PTPN14: variants seen among roughly 807,000 people sequenced by gnomAD.
PTPN14 encodes the protein tyrosine-protein phosphatase non-receptor type 14.
Under a neutral mutation model 126.8 loss-of-function variants are expected in PTPN14, and 53 were observed. The observed-to-expected ratio is 0.42, with a 90% CI of 0.34 to 0.53. The LOEUF (loss-of-function observed/expected upper bound fraction) is 0.53. Ranked by LOEUF, PTPN14 falls within the 20% of genes least tolerant of loss-of-function variation. The pLI, the probability that PTPN14 is intolerant of heterozygous loss-of-function variation, is 0.08. For synonymous variants in PTPN14, 630 were observed against 599.3 expected (o/e 1.05, Z -0.75); for missense variants, 1,257 against 1,552.9 (o/e 0.81, Z 3.20).
rs1660015413 is a variant in PTPN14 at position 214,440,484 on chromosome 1, G to A, written c.344+11321C>T. Among the ~76,000 whole-genome samples the A allele has an allele frequency of 2.0e-5, 3 of 152,320 alleles. No homozygotes were observed. The South Asian group carries it at 6.2e-4, about 32-fold the overall frequency. ...AAGAGAGGAAATCTGAATAATTTGAGCCATGGCTCTGCAGTAGAAAGTTGA... is the reference window on the plus strand; with the variant it reads ...AAGAGAGGAAATCTGAATAATTTGAACCATGGCTCTGCAGTAGAAAGTTGA... On this transcript the variant is annotated intron_variant, in intron 3 of 18. Transcript: ENST00000366956.
Position 214,451,937 on chromosome 1 carries a change from T to C in PTPN14, c.212A>G (p.Gln71Arg). The change falls in exon 3 of 19, where the codon CAG becomes CGG. Residue 71 changes from glutamine to arginine, a missense_variant. Around this residue, in one of 3 missense-constraint regions of PTPN14, gnomAD observed 1,021 missense variants for 1,183.3 expected, o/e 0.86. Coordinates refer to ENST00000366956, the MANE Select transcript of PTPN14 (RefSeq NM_005401.5). ...CTCCAGCTCCACCCATCGTGCTTGCTGGCTCTTGCTGAGAAACCAAAGGCC... is the reference window on the plus strand; with the variant it reads ...CTCCAGCTCCACCCATCGTGCTTGCCGGCTCTTGCTGAGAAACCAAAGGCC... Reference protein sequence around the residue: ...YFGLWFLSKSQQARWVELEKP... With the variant: ...YFGLWFLSKSRQARWVELEKP... 1 of 1,614,192 alleles carries C rather than the reference T, an allele frequency of 6.2e-7. No homozygotes were observed. Among genetic ancestry groups the C allele is most frequent in the East Asian group, 2.2e-5 (1 of 44,884 alleles).
intron 3 of PTPN14, among the ~76,000 whole-genome samples, chr1:214,442,715 G>A (rs1660060527): frequency 1.3e-5 from 2 of 152,096 alleles, no homozygotes; most frequent in South Asian, 2.1e-4. Context: ...TATGTTTACG[G>A]CTAAGTTAAC....
At chr1:214,400,566 A>C (rs1658991893) in intron 7 of PTPN14, among the ~76,000 whole-genome samples, 1 of 152,320 alleles carries the variant, frequency 6.6e-6, no homozygotes, top group Admixed American at 6.5e-5. Context: ...CAACACAAGC[A>C]AATTGCCACA....
chr1:214,447,429 C>T (rs1660170265), intron 3 of PTPN14, among the ~76,000 whole-genome samples: 1 of 152,172 alleles, frequency 6.6e-6, no homozygotes, highest in South Asian at 2.1e-4. Flanking sequence ...AACCAGATCT[C>T]CTTTATTCTC....
chr1:214,410,300 C>CTTTTTTTTTTT (rs55645471), intron 5 of PTPN14, among the ~76,000 whole-genome samples: 1 of 135,192 alleles, frequency 7.4e-6, no homozygotes. Flanking sequence ...TTTTTTTTTT[C>CTTTTTTTTTTT]TTTTTTTTTT....
intron 16 of PTPN14, among the ~76,000 whole-genome samples, chr1:214,371,943 A>G (rs2102521094): frequency 6.6e-6 from 1 of 152,342 alleles, no homozygotes; most frequent in East Asian, 1.9e-4. Context: ...AATACCATGG[A>G]TATTGGTAAA....
chr1:214,362,909 A>G (rs1045185436), intron 18 of PTPN14, among the ~76,000 whole-genome samples: 8 of 152,056 alleles, frequency 5.3e-5, no homozygotes, highest in African/African-American at 1.9e-4. Context: ...GAAGGAAAGG[A>G]CGATTAGGTG....
At chr1:214,520,047 CAAA>C (rs1183768381) in intron 1 of PTPN14, among the ~76,000 whole-genome samples, 2 of 80,768 alleles carry the variant, frequency 2.5e-5, no homozygotes, top group Non-Finnish European at 4.2e-5. Context: ...AACCCTGTCT[CAAA>C]AAAAAAAAAA....
intron 1 of PTPN14, among the ~76,000 whole-genome samples, chr1:214,536,003 A>G (rs981454168): frequency 1.3e-5 from 2 of 152,258 alleles, no homozygotes; most frequent in South Asian, 4.1e-4. Flanking sequence ...AAATAAATTC[A>G]ACAGCAAAAA....
intron 1 of PTPN14, among the ~76,000 whole-genome samples, chr1:214,485,090 G>A (rs1661082137): frequency 6.6e-6 from 1 of 152,194 alleles, no homozygotes; most frequent in Admixed American, 6.5e-5. Context: ...AGAAAGCATT[G>A]AGCTGAGTCT....
intron 17 of PTPN14, 69 bp downstream of exon 17, chr1:214,369,388 C>G: frequency 7.0e-7 from 1 of 1,429,560 alleles, no homozygotes; most frequent in South Asian, 1.2e-5. Context: ...ATTTCATCTC[C>G]AACAGATGAA....
chr1:214,432,351 G>A (rs544223278), intron 3 of PTPN14, among the ~76,000 whole-genome samples: 13 of 152,088 alleles, frequency 8.5e-5, no homozygotes, highest in Admixed American at 8.5e-4. Flanking sequence ...AGAAACATAA[G>A]ACCAAGTATT....
chr1:214,401,085 A>G (rs1474418838), intron 7 of PTPN14, among the ~76,000 whole-genome samples: 1 of 152,176 alleles, frequency 6.6e-6, no homozygotes, highest in Admixed American at 6.5e-5. Flanking sequence ...GCTCAGCTCT[A>G]TAAATGACTA....
At chr1:214,367,785 A>G (rs73074020) in intron 17 of PTPN14, among the ~76,000 whole-genome samples, 5,329 of 152,262 alleles carry the variant, frequency 0.035, 177 homozygotes, top group African/African-American at 0.089. Flanking sequence ...AGGGTATCAG[A>G]TCTCATCTTT....
intron 1 of PTPN14, among the ~76,000 whole-genome samples, chr1:214,520,798 C>CCAGTTCA (rs1230884239): frequency 1.3e-5 from 2 of 152,074 alleles, no homozygotes; most frequent in African/African-American, 4.8e-5. Flanking sequence ...AAACATTTCA[C>CCAGTTCA]CAGTTCACTC....
chr1:214,520,612 A>G lies in PTPN14; in HGVS notation c.-155+30571T>C, dbSNP rs975903856. The stretch of plus-strand genomic sequence containing the variant: ...CATGAAACTCACCCATAACCACTGC[A>G]CTGATGGTCATCTCTCCACGGTAGG... On this transcript the variant is annotated intron_variant, in intron 1 of 18. Transcript: ENST00000366956. Among the ~76,000 whole-genome samples the G allele has an allele frequency of 2.0e-5, 3 of 152,194 alleles. 1 individual carries two copies. The highest frequency in any genetic ancestry group is 6.3e-3 in the Middle Eastern group (2 of 316).
chr1:214,399,051 G>A (rs1466695268), intron 7 of PTPN14, among the ~76,000 whole-genome samples: 1 of 152,226 alleles, frequency 6.6e-6, no homozygotes, highest in Admixed American at 6.5e-5. Flanking sequence ...ACAGGCGTGA[G>A]CCACCGTGCC....
chr1:214,370,631 G>A (rs1469597481), intron 16 of PTPN14, among the ~76,000 whole-genome samples: 1 of 152,196 alleles, frequency 6.6e-6, no homozygotes, highest in Non-Finnish European at 1.5e-5. Context: ...GAGAACAGCT[G>A]CTTACATCAC....
At chr1:214,520,065 A>AAAAAAAAAAAAAAAATATATATATATAT in intron 1 of PTPN14, among the ~76,000 whole-genome samples, 2 of 71,106 alleles carry the variant, frequency 2.8e-5, no homozygotes, top group Non-Finnish European at 4.8e-5. Context: ...AAAAAAAAAA[A>AAAAAAAAAAAAAAAATATATATATATAT]ATATATATAT....
Sources: gnomAD v4.1 joint callset for allele counts (sites outside exome capture counted in the v4.1 genomes callset) on GRCh38, gnomAD v4.1.1 for gene constraint, gnomAD v4.1.1 regional missense constraint, MANE v1.5 for transcripts, NCBI Gene and HGNC (gene_info 2026-07-23, HGNC 2026-07-21) for gene names.